SLIT1: variants seen among roughly 807,000 people sequenced by gnomAD.
SLIT1 encodes the protein slit guidance ligand 1.
A neutral mutation model predicts 186.1 loss-of-function variants in SLIT1; 66 were observed. That is an observed-to-expected ratio of 0.35 (90% CI 0.29 to 0.44). SLIT1 has a LOEUF of 0.44. Among genes scored for constraint, SLIT1 ranks in the 20% least tolerant of loss-of-function variants. SLIT1 has a pLI of 1.00. For synonymous variants in SLIT1, 761 were observed against 833.8 expected (o/e 0.91, Z 1.50); for missense variants, 1,638 against 2,037.4 (o/e 0.80, Z 3.77).
chr10:97,071,062 A>C (rs1170799071), intron 4 of SLIT1, among the ~76,000 whole-genome samples: 1 of 152,138 alleles, frequency 6.6e-6, no homozygotes, highest in African/African-American at 2.4e-5. Flanking sequence ...CACCCACCTC[A>C]GCCTCCCAAT....
chr10:97,143,266 T>G (rs1280898214), intron 4 of SLIT1, among the ~76,000 whole-genome samples: 1 of 152,148 alleles, frequency 6.6e-6, no homozygotes, highest in African/African-American at 2.4e-5. Context: ...AACCAAAATG[T>G]GGGGTATACA....
intron 4 of SLIT1, among the ~76,000 whole-genome samples, chr10:97,150,531 T>C (rs528971408): frequency 2.0e-4 from 30 of 152,154 alleles, no homozygotes; most frequent in Non-Finnish European, 3.4e-4. Context: ...TGGTGGTCCT[T>C]ACAGCAGGGA....
chr10:97,056,100 G>A (rs2636790), intron 13 of SLIT1, among the ~76,000 whole-genome samples: 89,751 of 152,106 alleles, frequency 0.59, 28,850 homozygotes, highest in East Asian at 0.82. Flanking sequence ...AAATAAAAAT[G>A]AGGCCCAGAG....
chr10:97,101,005 T>A (rs1254857669), intron 4 of SLIT1, among the ~76,000 whole-genome samples: 2 of 152,148 alleles, frequency 1.3e-5, no homozygotes, highest in African/African-American at 4.8e-5. Context: ...GGAATGGACC[T>A]CTCTGTGCAT....
intron 6 of SLIT1, among the ~76,000 whole-genome samples, 194 bp from the exon 7 acceptor site, chr10:97,064,433 T>C (rs552741174): frequency 2.2e-4 from 33 of 152,170 alleles, no homozygotes; most frequent in East Asian, 9.7e-4. Context: ...ACGGTGACCG[T>C]AAGCCGACAG....
intron 4 of SLIT1, among the ~76,000 whole-genome samples, chr10:97,085,397 T>G (rs1017226134): frequency 1.5e-4 from 22 of 151,436 alleles, no homozygotes; most frequent in African/African-American, 4.3e-4. Flanking sequence ...TTTTTTTTTT[T>G]TTGTTTTTGA....
At chr10:97,093,090 G>A (rs1024580663) in intron 4 of SLIT1, among the ~76,000 whole-genome samples, 4 of 152,218 alleles carry the variant, frequency 2.6e-5, no homozygotes, top group Non-Finnish European at 1.5e-5. Context: ...CACTGGAGAA[G>A]CAACAGAGGG....
chr10:97,102,372 G>T (rs1354846503), intron 4 of SLIT1: 1 of 134,374 alleles, frequency 7.4e-6, no homozygotes, highest in Non-Finnish European at 1.5e-5. Flanking sequence ...AATGAGCCAA[G>T]ATTGCACCAT....
chr10:97,004,589 C>T lies in SLIT1; in HGVS notation c.3710+104G>A. The T allele has an allele frequency of 7.2e-7, 1 of 1,383,706 alleles. No homozygotes were observed. Among genetic ancestry groups the T allele is most frequent in the Non-Finnish European group, 1.0e-6 (1 of 989,500 alleles). The allele number at this position is 1,383,706 out of a possible 1,614,324, so 85.7% of individuals were successfully genotyped here. ...AAGTGTCCTTCAAACTCAGGCAGCC[C>T]AGGTTTCTAGAGGTCTCGATAACCA... is the stretch of plus-strand genomic sequence containing the variant. On this transcript the variant is annotated intron_variant, in intron 33 of 36. Coordinates refer to ENST00000266058, the MANE Select transcript of SLIT1 (RefSeq NM_003061.3). The surrounding 1 kb of genome is among the most constrained non-coding windows in gnomAD (Gnocchi z 5.1).
intron 1 of SLIT1, among the ~76,000 whole-genome samples, chr10:97,165,273 T>C (rs571874974): frequency 6.6e-6 from 1 of 152,296 alleles, no homozygotes; most frequent in South Asian, 2.1e-4. Flanking sequence ...ATCTATAAAA[T>C]GCGGACAACT....
chr10:97,058,795 C>T (rs959613594), intron 11 of SLIT1, among the ~76,000 whole-genome samples: 2 of 152,232 alleles, frequency 1.3e-5, no homozygotes, highest in African/African-American at 2.4e-5. Flanking sequence ...AGGGAGCTCG[C>T]CCAACTCCAG....
chr10:97,044,955 A>G (rs1043533898), intron 18 of SLIT1, among the ~76,000 whole-genome samples: 1 of 152,222 alleles, frequency 6.6e-6, no homozygotes, highest in African/African-American at 2.4e-5. Context: ...TGGAGCCCTC[A>G]TGAATGGAGT....
chr10:97,039,559 TA>T (rs147445164), intron 21 of SLIT1, among the ~76,000 whole-genome samples: 4 of 151,392 alleles, frequency 2.6e-5, no homozygotes, highest in African/African-American at 4.9e-5. Flanking sequence ...TTTATGACAG[TA>T]AAAAAAAATT....
chr10:97,125,561 G>A (rs980179888), intron 4 of SLIT1, among the ~76,000 whole-genome samples: 6 of 147,850 alleles, frequency 4.1e-5, no homozygotes, highest in Non-Finnish European at 6.0e-5. Flanking sequence ...AAAGTAGGCC[G>A]GGCGCAGTGG....
At chr10:97,180,070 G>A (rs898020380) in intron 1 of SLIT1, among the ~76,000 whole-genome samples, 12 of 152,066 alleles carry the variant, frequency 7.9e-5, no homozygotes, top group Admixed American at 3.9e-4. Context: ...CTGGGCCACC[G>A]ACAGCCCGCC....
intron 4 of SLIT1, among the ~76,000 whole-genome samples, chr10:97,072,531 G>T (rs12242601): frequency 0.025 from 3,788 of 152,178 alleles, 152 homozygotes; most frequent in African/African-American, 0.087. Context: ...CCCCAGGCAG[G>T]CAGGCAGCAG....
chr10:97,093,100 G>T (rs1415021033), intron 4 of SLIT1, among the ~76,000 whole-genome samples: 1 of 152,210 alleles, frequency 6.6e-6, no homozygotes, highest in Non-Finnish European at 1.5e-5. Flanking sequence ...GCAACAGAGG[G>T]AAAACCAGAG....
chr10:97,119,896 AT>A (rs1241850212), intron 4 of SLIT1, among the ~76,000 whole-genome samples: 1 of 110,930 alleles, frequency 9.0e-6, no homozygotes, highest in South Asian at 3.1e-4. Flanking sequence ...GGAAATACAT[AT>A]TTTTTTTCCA....
chr10:97,157,588 T>G (rs1046730413), intron 4 of SLIT1: 14 of 549,350 alleles, frequency 2.5e-5, no homozygotes, highest in Admixed American at 1.0e-4. Context: ...AGCTCACAAA[T>G]CTGGATGAAC....
Sources: allele counts gnomAD v4.1 joint callset (sites outside exome capture counted in the v4.1 genomes callset), GRCh38; gene constraint gnomAD v4.1.1; non-coding constraint Gnocchi (gnomAD v3.1); transcripts MANE v1.5; gene names NCBI Gene and HGNC (gene_info 2026-07-23, HGNC 2026-07-21).